PRKCQ: variants seen among roughly 807,000 people sequenced by gnomAD.
PRKCQ encodes the protein protein kinase C theta, also known as protein kinase C theta type.
Under a neutral mutation model 91.2 loss-of-function variants are expected in PRKCQ, and 41 were observed. The observed-to-expected ratio is 0.45, with a 90% CI of 0.35 to 0.58. PRKCQ has a LOEUF of 0.58. Ranked by LOEUF, PRKCQ falls within the 20% of genes least tolerant of loss-of-function variation. The pLI, the probability that PRKCQ is intolerant of heterozygous loss-of-function variation, is 0.00. For missense variants in PRKCQ, 673 were observed against 896.5 expected (o/e 0.75, Z 3.18); for synonymous variants, 307 against 316.9 (o/e 0.97, Z 0.33).
intron 11 of PRKCQ, among the ~76,000 whole-genome samples, 198 bp from the exon 12 acceptor site, chr10:6,479,363 C>G (rs945765730): frequency 2.6e-5 from 4 of 152,140 alleles, no homozygotes; most frequent in Admixed American, 6.5e-5. Context: ...CTATTTCATA[C>G]TATCTTTGTA....
chr10:6,540,539 A>C (rs1179410233), intron 1 of PRKCQ, among the ~76,000 whole-genome samples: 1 of 152,190 alleles, frequency 6.6e-6, no homozygotes, highest in African/African-American at 2.4e-5. Flanking sequence ...TTTAAGGTTC[A>C]TCTGTGTCGT....
At chr10:6,501,633 C>T (rs554416009) in intron 4 of PRKCQ, among the ~76,000 whole-genome samples, 1 of 151,828 alleles carries the variant, frequency 6.6e-6, no homozygotes, top group African/African-American at 2.4e-5. Flanking sequence ...ACCAGCCTGA[C>T]CAATATGGTG....
At position 6,579,837 on chromosome 10, in the gene PRKCQ, A is replaced by ATTT. The variant is rs3086770; in HGVS notation, c.-10+371_-10+373dup. Among the ~76,000 whole-genome samples the ATTT allele has an allele frequency of 2.9e-3, 401 of 136,966 alleles. 1 individual carries two copies. The highest frequency in any genetic ancestry group is 7.3e-3 in the East Asian group (33 of 4,536). 89.9% of individuals were successfully genotyped at this position (136,966 alleles called of 152,430 possible). ...CTCCAGAAAACATGTTTCCTCACGC[A>ATTT]TTTTTTTTTTTTTTTTTTACCAAGA... is the stretch of plus-strand genomic sequence containing the variant. On this transcript the variant is annotated intron_variant, in intron 1 of 17. Coordinates refer to ENST00000263125, the MANE Select transcript of PRKCQ (RefSeq NM_006257.5).
chr10:6,558,059 C>T (rs1840491655), intron 1 of PRKCQ, among the ~76,000 whole-genome samples: 1 of 152,050 alleles, frequency 6.6e-6, no homozygotes, highest in Non-Finnish European at 1.5e-5. Flanking sequence ...CTGCCTTTTC[C>T]ACCCCTACAC....
intron 8 of PRKCQ, among the ~76,000 whole-genome samples, chr10:6,490,100 T>C (rs1227231502): frequency 6.6e-6 from 1 of 152,074 alleles, no homozygotes; most frequent in East Asian, 1.9e-4. Flanking sequence ...CCATGTCTTC[T>C]TGAACAGGGG....
At chr10:6,404,256 GAGAGAGAGAGA>G in the PRKCQ span, among the ~76,000 whole-genome samples, 38 of 11,532 alleles carry the variant, frequency 3.3e-3, no homozygotes, top group African/African-American at 4.7e-3. Context: ...AAGGGGGGGG[GAGAGAGAGAGA>G]GAGAGAGAGA....
Position 6,511,186 on chromosome 10 carries a change from G to T in PRKCQ, c.127C>A (p.Gln43Lys). ...VKEYVESENG[Q>K]MYIQKKPTMY... ...GTAGGCTTTTTCTGGATATACATCT[G>T]CCCGTTCTCTAGGAACAGAAACGTA... Residue 43 changes from glutamine (Q) to lysine (K), a missense_variant, in exon 3 of 18, where the codon CAG (glutamine) becomes AAG (lysine). Gln to Lys is a moderately conservative substitution (Grantham distance 53, BLOSUM62 1). Transcript: ENST00000263125. 6.2e-7 allele frequency: 1 copy of T among 1,613,942 alleles called. No individual in the cohort carries two copies. Among genetic ancestry groups the T allele is most frequent in the Non-Finnish European group, 8.5e-7 (1 of 1,179,928 alleles).
At chr10:6,501,658 C>T (rs914862318) in intron 4 of PRKCQ, among the ~76,000 whole-genome samples, 2 of 151,610 alleles carry the variant, frequency 1.3e-5, no homozygotes, top group Non-Finnish European at 2.9e-5. Flanking sequence ...CCCGTCTCTA[C>T]TAAAAAAAAT....
At chr10:6,502,585 G>T (rs1214710960) in intron 4 of PRKCQ, among the ~76,000 whole-genome samples, 1 of 152,186 alleles carries the variant, frequency 6.6e-6, no homozygotes, top group Non-Finnish European at 1.5e-5. Flanking sequence ...TGCAGTAGGG[G>T]CAGAGGCTTG....
At chr10:6,530,180 G>A (rs1839340922) in intron 1 of PRKCQ, among the ~76,000 whole-genome samples, 1 of 152,196 alleles carries the variant, frequency 6.6e-6, no homozygotes, top group Non-Finnish European at 1.5e-5. Context: ...CGCGGTCAGA[G>A]AAGGAGCCTT....
chr10:6,444,455 T>C (rs1199113437), intron 15 of PRKCQ, among the ~76,000 whole-genome samples: 2 of 152,080 alleles, frequency 1.3e-5, no homozygotes, highest in Admixed American at 1.3e-4. Flanking sequence ...CCCTAGGACA[T>C]AATAGTGGCA....
At chr10:6,405,843 C>A in the PRKCQ span, among the ~76,000 whole-genome samples, 2 of 152,150 alleles carry the variant, frequency 1.3e-5, no homozygotes, top group Non-Finnish European at 2.9e-5. Flanking sequence ...CCCATGTGCC[C>A]ATGGGGAGCA....
chr10:6,569,745 C>T (rs1266699997), intron 1 of PRKCQ, among the ~76,000 whole-genome samples: 1 of 152,112 alleles, frequency 6.6e-6, no homozygotes, highest in Non-Finnish European at 1.5e-5. Flanking sequence ...AGGAAAGACA[C>T]ACAGATTTCA....
chr10:6,500,153 A>G (rs1837828903), intron 4 of PRKCQ, among the ~76,000 whole-genome samples: 1 of 152,226 alleles, frequency 6.6e-6, no homozygotes, highest in Non-Finnish European at 1.5e-5. Context: ...CACTGAGTTA[A>G]TCACCTTCTT....
chr10:6,501,659 T>C (rs946300423), intron 4 of PRKCQ, among the ~76,000 whole-genome samples: 3 of 151,230 alleles, frequency 2.0e-5, no homozygotes, highest in Non-Finnish European at 4.4e-5. Flanking sequence ...CCGTCTCTAC[T>C]AAAAAAAATA....
intron 15 of PRKCQ, among the ~76,000 whole-genome samples, chr10:6,453,870 A>G (rs1834852326): frequency 1.3e-5 from 2 of 151,340 alleles, no homozygotes; most frequent in African/African-American, 4.8e-5. Context: ...GAATTGAACA[A>G]TGAGAACACA....
At chr10:6,575,185 C>T (rs543955233) in intron 1 of PRKCQ, among the ~76,000 whole-genome samples, 15 of 152,294 alleles carry the variant, frequency 9.8e-5, no homozygotes, top group African/African-American at 3.6e-4. Flanking sequence ...CATCACAATT[C>T]ATTATAATTT....
intron 1 of PRKCQ, among the ~76,000 whole-genome samples, chr10:6,560,352 T>C (rs1037490459): frequency 6.6e-6 from 1 of 152,158 alleles, no homozygotes; most frequent in African/African-American, 2.4e-5. Flanking sequence ...CAGTCATCCT[T>C]GATTTGCTGG....
the PRKCQ span, among the ~76,000 whole-genome samples, chr10:6,415,405 C>CATATATATATAT: frequency 5.7e-5 from 6 of 104,878 alleles, no homozygotes; most frequent in Non-Finnish European, 1.1e-4. Flanking sequence ...CAAGAAAATA[C>CATATATATATAT]ATATATATAT....
Sources: allele counts gnomAD v4.1 joint callset (sites outside exome capture counted in the v4.1 genomes callset), GRCh38; gene constraint gnomAD v4.1.1; transcripts MANE v1.5; gene names NCBI Gene and HGNC (gene_info 2026-07-23, HGNC 2026-07-21).